Variants in CACHD1 observed in about 807,000 individuals in gnomAD.
CACHD1 encodes cache domain containing 1.
A neutral mutation model predicts 138.7 loss-of-function variants in CACHD1; 71 were observed. That is an observed-to-expected ratio of 0.51 (90% CI 0.42 to 0.62). The LOEUF (loss-of-function observed/expected upper bound fraction) is 0.62. CACHD1 is among the 20% of genes least tolerant of loss of function. CACHD1 has a pLI of 0.00. For synonymous variants in CACHD1, 578 were observed against 591.5 expected (o/e 0.98, Z 0.33); for missense variants, 1,389 against 1,625.3 (o/e 0.85, Z 2.50).
Position 64,658,817 on chromosome 1 carries a change from T to G in CACHD1, c.1895T>G (p.Leu632Arg), listed in dbSNP as rs1649348122. ...AGCAGCAAGCTGCTGTACCACCGGC[T>G]GGATCTCCTTGGCCAGCCCAGTGCT... ...VPSSKLLYHR[L>R]DLLGQPSACL... The change falls in exon 13 of 27, where the codon CTG becomes CGG. Residue 632 changes from leucine to arginine, a missense_variant. By Grantham distance (102) the Leu-to-Arg change is moderately radical. Coordinates refer to ENST00000651257, the MANE Select transcript of CACHD1 (RefSeq NM_020925.4). 6.3e-7 allele frequency: 1 copy of G among 1,592,678 alleles called. No individual in the cohort carries two copies. The highest frequency in any genetic ancestry group is 8.6e-7 in the Non-Finnish European group (1 of 1,167,002).
chr1:64,544,855 C>T (rs1215909528), intron 1 of CACHD1, among the ~76,000 whole-genome samples: 1 of 151,942 alleles, frequency 6.6e-6, no homozygotes, highest in African/African-American at 2.4e-5. Context: ...GTAAAGATAC[C>T]CCTTTTCTTG....
chr1:64,590,739 TAAG>T (rs1365965574), intron 3 of CACHD1, among the ~76,000 whole-genome samples: 1 of 152,226 alleles, frequency 6.6e-6, no homozygotes, highest in Non-Finnish European at 1.5e-5. Context: ...CTATCATTTC[TAAG>T]AAGAGGCAAG....
chr1:64,563,731 T>C (rs1162499280), intron 2 of CACHD1: 1 of 152,192 alleles, frequency 6.6e-6, no homozygotes, highest in Non-Finnish European at 1.5e-5. Flanking sequence ...TAGTCTTTTT[T>C]GGACAGCCTC....
intron 2 of CACHD1, among the ~76,000 whole-genome samples, chr1:64,564,980 T>C (rs1040716087): frequency 6.6e-6 from 1 of 151,410 alleles, no homozygotes; most frequent in African/African-American, 2.4e-5. Context: ...TTAATACATA[T>C]TTGTTGAATA....
intron 8 of CACHD1, among the ~76,000 whole-genome samples, chr1:64,643,072 G>T (rs1467108341): frequency 1.2e-5 from 1 of 85,722 alleles, no homozygotes; most frequent in South Asian, 4.0e-4. Flanking sequence ...AAAAAAAAAA[G>T]CCATGTCTTG....
intron 1 of CACHD1, among the ~76,000 whole-genome samples, chr1:64,475,453 A>T (rs1260586167): frequency 2.0e-5 from 3 of 152,152 alleles, no homozygotes; most frequent in African/African-American, 7.2e-5. Flanking sequence ...GATGTGAGCT[A>T]CTGTGCCTGT....
At chr1:64,574,691 C>G (rs895798912) in intron 2 of CACHD1, among the ~76,000 whole-genome samples, 1 of 152,196 alleles carries the variant, frequency 6.6e-6, no homozygotes, top group Non-Finnish European at 1.5e-5. Flanking sequence ...ACATTGGATA[C>G]TCTGCTAAGT....
rs1303999966 is a variant in CACHD1, at chr1:64,592,787, G to C, written c.411-10019G>C. Among the ~76,000 whole-genome samples, 4 of 152,108 alleles carry C rather than the reference G, an allele frequency of 2.6e-5. No homozygotes were observed. The East Asian group carries it at 7.7e-4, about 29-fold the overall frequency. ...AATGAAGAATAAATTACGGTAGAAG[G>C]GCAAGTTGCTTGTCAAGTTGGGCCA... is the stretch of plus-strand genomic sequence containing the variant. On this transcript the variant is annotated intron_variant, in intron 3 of 26. Coordinates refer to ENST00000651257, the MANE Select transcript of CACHD1 (RefSeq NM_020925.4).
intron 1 of CACHD1, among the ~76,000 whole-genome samples, chr1:64,498,015 TACTCAGGAGGTTG>T (rs1188966677): frequency 1.3e-5 from 2 of 152,184 alleles, no homozygotes; most frequent in African/African-American, 4.8e-5. Context: ...TAATCCCAGC[TACTCAGGAGGTTG>T]AGTCAGGAGA....
At chr1:64,593,121 C>T (rs1032739051) in intron 3 of CACHD1, among the ~76,000 whole-genome samples, 1 of 152,148 alleles carries the variant, frequency 6.6e-6, no homozygotes, top group African/African-American at 2.4e-5. Context: ...GCACGTAGAT[C>T]ATTCTTGGGA....
At chr1:64,477,624 ATTTTAT>A (rs1646182552) in intron 1 of CACHD1, among the ~76,000 whole-genome samples, 2 of 104,228 alleles carry the variant, frequency 1.9e-5, no homozygotes, top group African/African-American at 9.1e-5. Context: ...TATTATTATT[ATTTTAT>A]TTTATTTTTT....
At position 64,512,165 on chromosome 1, in the gene CACHD1, G is replaced by A. The variant is rs553310042; in HGVS notation, c.199-38429G>A. On this transcript the variant is annotated intron_variant, in intron 1 of 26. Transcript: ENST00000651257. ...TCCCAGCACTTTGGAAGGCCAAGGC[G>A]GGTGGATCACCTGAGGTCAGGAGTT... Among the ~76,000 whole-genome samples the A allele has an allele frequency of 3.3e-5, 5 of 152,202 alleles. No homozygotes were observed. In the South Asian group the frequency reaches 6.2e-4, roughly 19 times the overall value.
chr1:64,505,474 C>G (rs2100332575), intron 1 of CACHD1, among the ~76,000 whole-genome samples: 1 of 152,204 alleles, frequency 6.6e-6, no homozygotes, highest in South Asian at 2.1e-4. Context: ...CGAAGGCCCT[C>G]AGCTCAGGAG....
intron 2 of CACHD1, among the ~76,000 whole-genome samples, chr1:64,577,580 A>G (rs1189572898): frequency 1.3e-5 from 2 of 152,170 alleles, no homozygotes; most frequent in Admixed American, 6.5e-5. Flanking sequence ...AACCTTGAGC[A>G]AATTACCCCT....
chr1:64,478,157 A>T (rs2100266820), intron 1 of CACHD1, among the ~76,000 whole-genome samples: 1 of 152,106 alleles, frequency 6.6e-6, no homozygotes, highest in South Asian at 2.1e-4. Flanking sequence ...ACCATTGGTG[A>T]CTCTCCTAGA....
At chr1:64,472,597 A>T (rs1001807281) in intron 1 of CACHD1, among the ~76,000 whole-genome samples, 5 of 152,160 alleles carry the variant, frequency 3.3e-5, no homozygotes, top group African/African-American at 1.2e-4. Flanking sequence ...AATTTTTTCC[A>T]TATGCATTTT....
At chr1:64,590,041 C>T (rs970158037) in intron 3 of CACHD1, among the ~76,000 whole-genome samples, 2 of 152,170 alleles carry the variant, frequency 1.3e-5, no homozygotes, top group African/African-American at 2.4e-5. Context: ...GGCGCAGTGG[C>T]TCACGCCTGT....
At chr1:64,582,401 A>G in intron 3 of CACHD1, 97 bp downstream of exon 3, 1 of 1,085,854 alleles carries the variant, frequency 9.2e-7, no homozygotes, top group South Asian at 1.6e-5. Flanking sequence ...ATTTATTGCA[A>G]ATTGTGTAGC....
At chr1:64,523,862 C>T (rs1646516714) in intron 1 of CACHD1, among the ~76,000 whole-genome samples, 2 of 152,134 alleles carry the variant, frequency 1.3e-5, no homozygotes, top group African/African-American at 4.8e-5. Flanking sequence ...GAGACTTTCA[C>T]ATGCTTTATT....
Sources: gnomAD v4.1 joint callset for allele counts (sites outside exome capture counted in the v4.1 genomes callset) on GRCh38, gnomAD v4.1.1 for gene constraint, MANE v1.5 for transcripts, NCBI Gene and HGNC (gene_info 2026-07-23, HGNC 2026-07-21) for gene names.